RTN4: variants seen among roughly 807,000 people sequenced by gnomAD.
The protein encoded by RTN4 is reticulon 4.
RTN4 carries 32 observed loss-of-function variants against 90.4 expected under a neutral mutation model. That is an observed-to-expected ratio of 0.35 (90% CI 0.27 to 0.48). The LOEUF is 0.48. RTN4 is among the 20% of genes least tolerant of loss of function. The pLI, the probability that RTN4 is intolerant of heterozygous loss-of-function variation, is 0.99. For missense variants in RTN4, 1,706 were observed against 1,430.2 expected (o/e 1.19, Z -3.11); for synonymous variants, 629 against 552.5 (o/e 1.14, Z -1.94).
upstream of RTN4, among the ~76,000 whole-genome samples, chr2:55,054,065 C>G (rs773819773): frequency 6.6e-6 from 1 of 152,102 alleles, no homozygotes; most frequent in Non-Finnish European, 1.5e-5. Flanking sequence ...GCAATCAATA[C>G]ATGCAAAAAA....
chr2:55,111,657 TAGG>T (rs547619366), intron 1 of RTN4, among the ~76,000 whole-genome samples: 112 of 151,992 alleles, frequency 7.4e-4, no homozygotes, highest in African/African-American at 2.4e-3. Context: ...TGGGGCTGTT[TAGG>T]AGGAGGGGTC....
At chr2:55,099,300 T>C (rs1011277390) in intron 1 of RTN4, among the ~76,000 whole-genome samples, 1 of 152,164 alleles carries the variant, frequency 6.6e-6, no homozygotes, top group Non-Finnish European at 1.5e-5. Flanking sequence ...TATGGACTCA[T>C]AGATTTAAAC....
At chr2:55,129,192 T>A in the RTN4 span, among the ~76,000 whole-genome samples, 1 of 151,044 alleles carries the variant, frequency 6.6e-6, no homozygotes, top group African/African-American at 2.4e-5. Context: ...GAAATACAAA[T>A]GGCCAACAGC....
chr2:55,099,688 G>T (rs981563426), intron 1 of RTN4, among the ~76,000 whole-genome samples: 14 of 152,042 alleles, frequency 9.2e-5, no homozygotes, highest in Non-Finnish European at 1.9e-4. Context: ...GACTGTCTGG[G>T]TTTGAATCAC....
chr2:55,067,920 G>T (rs1272035832), intron 2 of RTN4, among the ~76,000 whole-genome samples: 1 of 152,148 alleles, frequency 6.6e-6, no homozygotes, highest in Non-Finnish European at 1.5e-5. Context: ...AATAGCTATT[G>T]CTGAAACAAT....
Position 55,059,406 on chromosome 2 carries a change from T to A in RTN4, c.-63+21083A>T, listed in dbSNP as rs531252723. Reference sequence around the variant, plus strand: ...TCTCACTCTGTTGCCCAGGATGGAGTGCAGTGGTGCGATCACGGCTCACTG... The same window carrying A: ...TCTCACTCTGTTGCCCAGGATGGAGAGCAGTGGTGCGATCACGGCTCACTG... On this transcript the variant is annotated intron_variant, in intron 2 of 3. Coordinates refer to the RTN4 transcript ENST00000427710. Among the ~76,000 whole-genome samples, 29 of 152,000 alleles carry A rather than the reference T, an allele frequency of 1.9e-4. No homozygotes were observed. The South Asian group carries it at 2.5e-3, about 13-fold the overall frequency.
chr2:55,023,411 T>C (rs1040985864), intron 3 of RTN4, among the ~76,000 whole-genome samples: 6 of 152,118 alleles, frequency 3.9e-5, no homozygotes, highest in Non-Finnish European at 8.8e-5. Context: ...TGAACTAACA[T>C]ACTGCTTTAA....
the RTN4 span, among the ~76,000 whole-genome samples, chr2:55,131,174 C>T: frequency 6.6e-6 from 1 of 151,230 alleles, no homozygotes; most frequent in Non-Finnish European, 1.5e-5. Flanking sequence ...ACCTCTTGGG[C>T]TCAAGTGATC....
At chr2:55,110,147 C>CA (rs1383192119) in intron 1 of RTN4, among the ~76,000 whole-genome samples, 1 of 151,426 alleles carries the variant, frequency 6.6e-6, no homozygotes, top group African/African-American at 2.4e-5. Flanking sequence ...CATCTCTACC[C>CA]AAAAAATACA....
chr2:55,039,096 C>T (rs916049792), intron 1 of RTN4, among the ~76,000 whole-genome samples: 2 of 152,064 alleles, frequency 1.3e-5, no homozygotes, highest in Admixed American at 6.6e-5. Context: ...ATTGGTGTTG[C>T]GGGTAGGAAC....
At chr2:55,128,478 C>G in the RTN4 span, among the ~76,000 whole-genome samples, 6 of 152,168 alleles carry the variant, frequency 3.9e-5, no homozygotes, top group African/African-American at 1.4e-4. Context: ...ACTCACTCCA[C>G]TTGCGCTTCT....
rs1156304483 is a variant in RTN4 at position 55,026,512 on chromosome 2, A to G, written c.1587T>C (p.Tyr529=). The G allele has an allele frequency of 6.2e-7, 1 of 1,613,978 alleles. No homozygotes were observed. Among genetic ancestry groups the G allele is most frequent in the Admixed American group, 1.7e-5 (1 of 59,986 alleles). ...CCTTTGTTAAATTATCTGTTGTGAC[A>G]TAATCTGTCTCAGAATCCTGTGCTG... ...LVAAQDSETD[Y]VTTDNLTKVT... is the part of the protein sequence containing the mutation. Residue 529 remains tyrosine, a synonymous_variant, in exon 3 of 9, where the codon TAT becomes TAC. Coordinates refer to ENST00000337526, the MANE Select transcript of RTN4 (RefSeq NM_020532.5).
chr2:54,989,898 T>G (rs1415179477), intron 3 of RTN4, among the ~76,000 whole-genome samples: 1 of 152,212 alleles, frequency 6.6e-6, no homozygotes, highest in Admixed American at 6.5e-5. Flanking sequence ...ATGCCTTTTT[T>G]TTTATTAGGA....
At chr2:55,051,280 G>A (rs1163418535), upstream of RTN4, among the ~76,000 whole-genome samples, 1 of 152,136 alleles carries the variant, frequency 6.6e-6, no homozygotes, top group Non-Finnish European at 1.5e-5. Context: ...GTCACCCAAA[G>A]AGAGAGGCAG....
At chr2:55,106,940 G>A (rs975722164) in intron 1 of RTN4, among the ~76,000 whole-genome samples, 8 of 152,128 alleles carry the variant, frequency 5.3e-5, no homozygotes, top group East Asian at 1.9e-4. Flanking sequence ...GAATATCACC[G>A]TAAGTGTAAA....
intron 1 of RTN4, among the ~76,000 whole-genome samples, chr2:55,100,643 T>C (rs73936836): frequency 0.028 from 4,234 of 152,194 alleles, 197 homozygotes; most frequent in African/African-American, 0.096. Context: ...AAGAACAGTC[T>C]CTAAAGTAGT....
At chr2:55,108,797 G>A (rs1278417235) in intron 1 of RTN4, among the ~76,000 whole-genome samples, 1 of 152,034 alleles carries the variant, frequency 6.6e-6, no homozygotes, top group Non-Finnish European at 1.5e-5. Context: ...TTTTGCACCA[G>A]CCTAATCATA....
intron 3 of RTN4, among the ~76,000 whole-genome samples, chr2:54,997,915 T>C (rs1306383795): frequency 2.6e-5 from 4 of 152,168 alleles, no homozygotes; most frequent in Non-Finnish European, 4.4e-5. Flanking sequence ...TATGTATAGA[T>C]AGGAATAAAC....
At chr2:55,111,021 A>G (rs1247415309) in intron 1 of RTN4, among the ~76,000 whole-genome samples, 1 of 152,206 alleles carries the variant, frequency 6.6e-6, no homozygotes, top group Non-Finnish European at 1.5e-5. Flanking sequence ...AGCCGGGGCA[A>G]CTGAGTAAGA....
Sources: gnomAD v4.1 joint callset for allele counts (sites outside exome capture counted in the v4.1 genomes callset) on GRCh38, gnomAD v4.1.1 for gene constraint, MANE v1.5 for transcripts, NCBI Gene and HGNC (gene_info 2026-07-23, HGNC 2026-07-21) for gene names.